HTRA1: variants seen among roughly 807,000 people sequenced by gnomAD.
HTRA1 encodes HtrA serine peptidase 1, also known as serine protease HTRA1.
Under a neutral mutation model 49.7 loss-of-function variants are expected in HTRA1, and 26 were observed. The observed-to-expected ratio is 0.52, with a 90% CI of 0.38 to 0.73. The LOEUF (loss-of-function observed/expected upper bound fraction) is 0.73, where lower values mean the gene tolerates loss of function less well. HTRA1 is among the 30% of genes least tolerant of loss of function. HTRA1 has a pLI of 0.00. For missense variants in HTRA1, 561 were observed against 667.2 expected (o/e 0.84, Z 1.75); for synonymous variants, 291 against 286.9 (o/e 1.01, Z -0.14).
chr10:122,477,181 A>T (rs1345108932), intron 1 of HTRA1, among the ~76,000 whole-genome samples: 2 of 151,974 alleles, frequency 1.3e-5, no homozygotes, highest in East Asian at 3.9e-4. Flanking sequence ...GTTAGCCAGG[A>T]CGGTCTCGAT....
At chr10:122,477,448 G>T (rs575916255) in intron 1 of HTRA1, among the ~76,000 whole-genome samples, 25 of 152,324 alleles carry the variant, frequency 1.6e-4, no homozygotes, top group African/African-American at 5.8e-4. Flanking sequence ...GCACCTGGAG[G>T]ATGGGGCCCC....
At chr10:122,488,379 C>T (rs900831430) in intron 1 of HTRA1, among the ~76,000 whole-genome samples, 16 of 152,018 alleles carry the variant, frequency 1.1e-4, no homozygotes, top group Non-Finnish European at 2.4e-4. Context: ...ACCAGCCTGG[C>T]CAACGTGGTG....
chr10:122,505,520 C>G (rs2250813), intron 3 of HTRA1, among the ~76,000 whole-genome samples: 42,730 of 151,786 alleles, frequency 0.28, 6,800 homozygotes, highest in Admixed American at 0.4. Flanking sequence ...GAATCTTGGA[C>G]CCTCAGTTTC....
At chr10:122,503,127 C>T (rs946073134) in intron 3 of HTRA1, among the ~76,000 whole-genome samples, 3 of 152,190 alleles carry the variant, frequency 2.0e-5, no homozygotes, top group South Asian at 2.1e-4. Context: ...CTGTGGGTGG[C>T]GCGGGAACCA....
chr10:122,462,284 G>A (rs1383338454), intron 1 of HTRA1, among the ~76,000 whole-genome samples, 160 bp downstream of exon 1: 2 of 152,236 alleles, frequency 1.3e-5, no homozygotes, highest in African/African-American at 4.8e-5. Context: ...GCGGATTTCC[G>A]CGGGCTGCCT....
At position 122,487,887 on chromosome 10, in the gene HTRA1, C is replaced by A. The variant is rs557693720; in HGVS notation, c.473-1015C>A. On this transcript the variant is annotated intron_variant, in intron 1 of 8. Transcript: ENST00000368984. This position sits in a 1 kb window ranked among gnomAD's most constrained non-coding sequence, Gnocchi z 4.8. ...TGTTATGGTCCGCGGCTGGCTGAAA[C>A]GTTATGTGGTGCATGACTGTAGGTA... 2.6e-5 allele frequency among the ~76,000 whole-genome samples: 4 copies of A among 152,258 alleles called. No individual in the cohort carries two copies. The East Asian group carries it at 7.7e-4, about 29-fold the overall frequency.
intron 5 of HTRA1, among the ~76,000 whole-genome samples, 189 bp downstream of exon 5, chr10:122,507,591 G>C (rs77833905): frequency 6.6e-6 from 1 of 152,060 alleles, no homozygotes; most frequent in African/African-American, 2.4e-5. Flanking sequence ...ATGACCCTAC[G>C]GATCTTTTCT....
At chr10:122,488,779 G>A (rs914912059) in intron 1 of HTRA1, 123 bp from the exon 2 acceptor site, 4 of 833,156 alleles carry the variant, frequency 4.8e-6, no homozygotes, top group Non-Finnish European at 4.2e-6. Flanking sequence ...GGGGAATTGC[G>A]CTCACTCCGC....
chr10:122,507,471 G>A, intron 5 of HTRA1, 69 bp downstream of exon 5: 1 of 1,156,352 alleles, frequency 8.6e-7, no homozygotes, highest in Non-Finnish European at 1.3e-6. Flanking sequence ...TTGTTTGTTT[G>A]TTTGTTGTTT....
chr10:122,485,246 T>C (rs867247891), intron 1 of HTRA1, among the ~76,000 whole-genome samples: 20 of 152,240 alleles, frequency 1.3e-4, no homozygotes, highest in African/African-American at 4.8e-4. Context: ...TCTATTTTCC[T>C]GTTGCCACTA....
At chr10:122,462,188 G>T in intron 1 of HTRA1, 64 bp downstream of exon 1, 1 of 1,344,620 alleles carries the variant, frequency 7.4e-7, no homozygotes, top group Non-Finnish European at 1.0e-6. Flanking sequence ...CTGCTTCTGC[G>T]GGACTGGTGG....
intron 3 of HTRA1, among the ~76,000 whole-genome samples, chr10:122,502,237 C>T (rs967025403): frequency 1.3e-5 from 2 of 152,160 alleles, no homozygotes; most frequent in Admixed American, 6.5e-5. Flanking sequence ...ATAGGAGACA[C>T]TCACTGAATG....
chr10:122,503,434 C>T (rs1298928358), intron 3 of HTRA1, among the ~76,000 whole-genome samples: 1 of 152,218 alleles, frequency 6.6e-6, no homozygotes, highest in African/African-American at 2.4e-5. Flanking sequence ...GCCAGTGGCT[C>T]CTGTGGGGAG....
chr10:122,471,978 G>A (rs1044484651), intron 1 of HTRA1, among the ~76,000 whole-genome samples: 11 of 152,182 alleles, frequency 7.2e-5, no homozygotes, highest in Non-Finnish European at 8.8e-5. Context: ...CTATTCATCC[G>A]ATGACTGATG....
chr10:122,471,994 C>T (rs1406238272), intron 1 of HTRA1, among the ~76,000 whole-genome samples: 2 of 152,148 alleles, frequency 1.3e-5, no homozygotes, highest in African/African-American at 4.8e-5. Flanking sequence ...TGATGTCTCC[C>T]TTCAAGAGTT....
At position 122,514,410 on chromosome 10, in the gene HTRA1, T is replaced by A. The variant is rs549447664; in HGVS notation, c.*51T>A. 3 of 1,581,356 alleles carry A rather than the reference T, an allele frequency of 1.9e-6. No homozygotes were observed. In the East Asian group the frequency reaches 6.7e-5, roughly 35 times the overall value. ...TTTCCCTCAAAGACTCTCCCGTGGATGACGGATGAGGACTCTGGGCTGCTG... is the reference window on the plus strand; with the variant it reads ...TTTCCCTCAAAGACTCTCCCGTGGAAGACGGATGAGGACTCTGGGCTGCTG... On this transcript the variant is annotated 3_prime_UTR_variant, in exon 9 of 9. Transcript: ENST00000368984.
chr10:122,491,938 G>A (rs2097496057), intron 3 of HTRA1, among the ~76,000 whole-genome samples: 1 of 152,190 alleles, frequency 6.6e-6, no homozygotes, highest in South Asian at 2.1e-4. Context: ...GTTGAAAGTA[G>A]GGAGAGTAAC....
At chr10:122,463,102 C>T (rs2097482295) in intron 1 of HTRA1, among the ~76,000 whole-genome samples, 1 of 152,278 alleles carries the variant, frequency 6.6e-6, no homozygotes, top group Non-Finnish European at 1.5e-5. Flanking sequence ...GCAGCCGTGC[C>T]GCTGCTGCCG....
chr10:122,470,987 G>C (rs1282796397), intron 1 of HTRA1, among the ~76,000 whole-genome samples: 1 of 152,138 alleles, frequency 6.6e-6, no homozygotes, highest in African/African-American at 2.4e-5. Context: ...TCATGTCCAA[G>C]GGCAGATGCG....
Sources: allele counts gnomAD v4.1 joint callset (sites outside exome capture counted in the v4.1 genomes callset), GRCh38; gene constraint gnomAD v4.1.1; non-coding constraint Gnocchi (gnomAD v3.1); transcripts MANE v1.5; gene names NCBI Gene and HGNC (gene_info 2026-07-23, HGNC 2026-07-21).